The following NEK7 variants were observed in gnomAD, a reference collection of about 807,000 sequenced individuals.
NEK7 encodes the protein NIMA related kinase 7.
In NEK7, 18 loss-of-function variants were observed where a neutral mutation model predicts 44.6. That is an observed-to-expected ratio of 0.40 (90% CI 0.28 to 0.60). NEK7 has a LOEUF of 0.60. Among genes scored for constraint, NEK7 ranks in the 20% least tolerant of loss-of-function variants. NEK7 has a pLI of 0.38. For missense variants in NEK7, 256 were observed against 366.5 expected, an observed-to-expected ratio of 0.70 and a Z score of 2.46; for synonymous variants, 130 against 121.1, an observed-to-expected ratio of 1.07 and a Z score of -0.48.
intron 1 of NEK7, among the ~76,000 whole-genome samples, chr1:198,190,755 G>A (rs866309560): frequency 2.0e-5 from 3 of 151,866 alleles, no homozygotes; most frequent in East Asian, 1.9e-4. Flanking sequence ...TATTTCTACC[G>A]TTATTAGGAG....
chr1:198,216,603 GAACA>G (rs1011806016), intron 1 of NEK7, among the ~76,000 whole-genome samples: 8 of 151,276 alleles, frequency 5.3e-5, no homozygotes, highest in East Asian at 3.9e-4. Flanking sequence ...AATGAAATTA[GAACA>G]AACAAACAAG....
At chr1:198,237,347 T>A (rs1666566830) in intron 2 of NEK7, among the ~76,000 whole-genome samples, 2 of 152,110 alleles carry the variant, frequency 1.3e-5, no homozygotes, top group Non-Finnish European at 2.9e-5. Context: ...AACTCATGTA[T>A]CCATTTGCCT....
chr1:198,214,140 C>T (rs1222503605), intron 1 of NEK7, among the ~76,000 whole-genome samples: 1 of 151,742 alleles, frequency 6.6e-6, no homozygotes, highest in Admixed American at 6.6e-5. Flanking sequence ...AGCTAGATGA[C>T]AATAAAGTCA....
chr1:198,264,276 T>TG (rs773147678), intron 5 of NEK7, 41 bp downstream of exon 5: 2 of 1,425,344 alleles, frequency 1.4e-6, no homozygotes, highest in African/African-American at 2.9e-5. Context: ...TGTTTTGTTT[T>TG]TTTTTCTAAT....
chr1:198,285,881 A>G (rs1253824329), intron 7 of NEK7, among the ~76,000 whole-genome samples: 2 of 152,032 alleles, frequency 1.3e-5, no homozygotes, highest in Non-Finnish European at 2.9e-5. Context: ...CCAAAGGGTA[A>G]TTAACTCTCT....
At chr1:198,300,610 C>G (rs1444014684) in intron 9 of NEK7, among the ~76,000 whole-genome samples, 2 of 152,210 alleles carry the variant, frequency 1.3e-5, no homozygotes, top group Admixed American at 1.3e-4. Context: ...ATGGATGCCT[C>G]CCCCTGCAGA....
intron 9 of NEK7, among the ~76,000 whole-genome samples, chr1:198,313,459 T>A (rs1347422458): frequency 7.1e-6 from 1 of 141,108 alleles, no homozygotes; most frequent in Non-Finnish European, 1.5e-5. Context: ...AATATTGTTA[T>A]GTGTGAATTT....
In NEK7 at chr1:198,212,073, A is replaced by G. The variant is rs539085025; in HGVS notation, c.-28-20480A>G. On this transcript the variant is annotated intron_variant, in intron 1 of 9. Transcript: ENST00000367385. ...TGTCTTGCGTGCATTCCCAGACTCC[A>G]GTGGGATGGGAGCGAAGCCATTCCT... 2.0e-5 allele frequency among the ~76,000 whole-genome samples: 3 copies of G among 152,310 alleles called. No individual in the cohort carries two copies. The East Asian group carries it at 5.8e-4, about 29-fold the overall frequency.
At chr1:198,210,998 C>T (rs532464815) in intron 1 of NEK7, among the ~76,000 whole-genome samples, 7 of 151,764 alleles carry the variant, frequency 4.6e-5, no homozygotes, top group African/African-American at 7.2e-5. Flanking sequence ...GTGATCCGCC[C>T]GCCTCGGCCT....
chr1:198,297,180 G>A lies in NEK7; in HGVS notation c.738G>A (p.Leu246=), dbSNP rs748827203. The A allele has an allele frequency of 1.9e-6, 3 of 1,613,412 alleles. No homozygotes were observed. The highest frequency in any genetic ancestry group is 2.5e-6 in the Non-Finnish European group (3 of 1,179,710). ...FYGDKMNLYS[L]CKKIEQCDYP... is the part of the protein sequence containing the mutation. ...GTGACAAAATGAATTTATACTCACTGTGTAAGAAGATAGAACAGTGTGACT... is the reference window on the plus strand; with the variant it reads ...GTGACAAAATGAATTTATACTCACTATGTAAGAAGATAGAACAGTGTGACT... The change falls in exon 9 of 10, where the codon CTG becomes CTA. Residue 246 remains leucine (L), a synonymous_variant. Transcript: ENST00000367385.
At chr1:198,231,334 TATAA>T (rs1357670552) in intron 1 of NEK7, among the ~76,000 whole-genome samples, 15 of 139,612 alleles carry the variant, frequency 1.1e-4, no homozygotes, top group African/African-American at 3.1e-4. Flanking sequence ...TATATATATA[TATAA>T]AAACACATGA....
intron 1 of NEK7, chr1:198,198,325 C>G (rs1436025230): frequency 1.7e-5 from 6 of 359,572 alleles, no homozygotes; most frequent in Admixed American, 4.7e-5. Context: ...ACTGTGGAAG[C>G]TTTCCTTGGG....
intron 1 of NEK7, among the ~76,000 whole-genome samples, chr1:198,230,325 T>A (rs10922385): frequency 0.18 from 26,717 of 152,036 alleles, 3,398 homozygotes; most frequent in African/African-American, 0.33. Context: ...ATAAACATGA[T>A]TATTTATCAT....
intron 2 of NEK7, among the ~76,000 whole-genome samples, chr1:198,240,774 C>A (rs1253264301): frequency 1.3e-5 from 2 of 152,212 alleles, no homozygotes; most frequent in Non-Finnish European, 1.5e-5. Context: ...CGGCTCACTG[C>A]AACCTTTGCC....
intron 1 of NEK7, among the ~76,000 whole-genome samples, chr1:198,172,881 A>G (rs143405949): frequency 3.9e-5 from 6 of 152,370 alleles, no homozygotes; most frequent in Admixed American, 3.9e-4. Context: ...TATATTGATC[A>G]TAACTAAGTT....
At chr1:198,290,864 T>G (rs1654531888) in intron 7 of NEK7, among the ~76,000 whole-genome samples, 1 of 152,194 alleles carries the variant, frequency 6.6e-6, no homozygotes, top group Non-Finnish European at 1.5e-5. Context: ...CAGTGTTAAC[T>G]GAGTGTGTAA....
chr1:198,185,219 GAA>G (rs1227127622), intron 1 of NEK7, among the ~76,000 whole-genome samples: 1 of 104,088 alleles, frequency 9.6e-6, no homozygotes, highest in African/African-American at 3.8e-5. Flanking sequence ...TTTTTGGTCA[GAA>G]GAGAGGCTTT....
intron 7 of NEK7, among the ~76,000 whole-genome samples, chr1:198,283,226 C>T (rs1387472359): frequency 6.6e-6 from 1 of 152,052 alleles, no homozygotes; most frequent in Non-Finnish European, 1.5e-5. Flanking sequence ...ATAATGAGAG[C>T]GATGTGATAT....
chr1:198,174,041 T>C (rs966428966), intron 1 of NEK7, among the ~76,000 whole-genome samples: 1 of 152,198 alleles, frequency 6.6e-6, no homozygotes, highest in Non-Finnish European at 1.5e-5. Flanking sequence ...TGCAAGATAG[T>C]GCAGGTCAGA....
Sources: gnomAD v4.1 joint callset for allele counts (sites outside exome capture counted in the v4.1 genomes callset) on GRCh38, gnomAD v4.1.1 for gene constraint, MANE v1.5 for transcripts, NCBI Gene and HGNC (gene_info 2026-07-23, HGNC 2026-07-21) for gene names.